Variants in DNAH3 observed in about 807,000 individuals in gnomAD.
DNAH3 encodes dynein axonemal heavy chain 3.
In DNAH3, 332 loss-of-function variants were observed where a neutral mutation model predicts 432.5. That is an observed-to-expected ratio of 0.77 (90% CI 0.70 to 0.84). The LOEUF (loss-of-function observed/expected upper bound fraction) is 0.84, where lower values mean the gene tolerates loss of function less well. DNAH3 is among the 40% of genes least tolerant of loss of function. The pLI is 0.00. For missense variants in DNAH3, 4,861 were observed against 5,114.0 expected (o/e 0.95, Z 1.51); for synonymous variants, 1,956 against 1,900.2 (o/e 1.03, Z -0.76).
Position 20,968,047 on chromosome 16 carries a change from G to C in DNAH3, c.8458+1745C>G, listed in dbSNP as rs554326150. Among the ~76,000 whole-genome samples, 3 of 152,234 alleles carry C rather than the reference G, an allele frequency of 2.0e-5. No homozygotes were observed. The East Asian group carries it at 5.8e-4, about 29-fold the overall frequency. On this transcript the variant is annotated intron_variant, in intron 52 of 61. Coordinates refer to ENST00000261383, the Ensembl canonical transcript of DNAH3. Reference sequence around the variant, plus strand: ...GAATGCTAAGCAATGGGAAGCAGGAGCCAGAAGGTCTCAAATGAGGGATCA... The same window carrying C: ...GAATGCTAAGCAATGGGAAGCAGGACCCAGAAGGTCTCAAATGAGGGATCA...
At chr16:21,060,756 ACCT>A (rs1265321288) in intron 25 of DNAH3, among the ~76,000 whole-genome samples, 1 of 149,046 alleles carries the variant, frequency 6.7e-6, no homozygotes, top group East Asian at 2.0e-4. Context: ...TGACCTCCTG[ACCT>A]CGTGATCTGC....
At chr16:21,035,284 G>A (rs1008635194) in intron 35 of DNAH3, among the ~76,000 whole-genome samples, 5 of 152,158 alleles carry the variant, frequency 3.3e-5, no homozygotes, top group South Asian at 2.1e-4. Context: ...CTGAGATCAC[G>A]TCACTGCACT....
intron 39 of DNAH3, among the ~76,000 whole-genome samples, 165 bp downstream of exon 39, chr16:21,024,431 G>A (rs1396764700): frequency 2.6e-5 from 4 of 152,046 alleles, no homozygotes; most frequent in African/African-American, 4.8e-5. Flanking sequence ...AAGAAAGTTC[G>A]AAAAATGGCA....
At chr16:21,145,447 A>G in intron 2 of DNAH3, 41 bp from the exon 4 acceptor site, 2 of 1,546,388 alleles carry the variant, frequency 1.3e-6, no homozygotes, top group Non-Finnish European at 8.9e-7. Flanking sequence ...AATGAGGAAC[A>G]TCTCTCGATG....
At chr16:20,968,494 T>C (rs11860376) in intron 52 of DNAH3, among the ~76,000 whole-genome samples, 3,906 of 152,302 alleles carry the variant, frequency 0.026, 186 homozygotes, top group African/African-American at 0.089. Context: ...TGTTCAGCTC[T>C]AAGGCACTGG....
chr16:21,140,743 T>C (rs376576182), intron 4 of DNAH3, 33 bp from the exon 6 acceptor site: 25 of 1,609,092 alleles, frequency 1.6e-5, no homozygotes, highest in Admixed American at 6.7e-5. Context: ...CCCTTGGTGT[T>C]TGGTTCTCCA....
chr16:21,072,408 C>A (rs1258260152), intron 21 of DNAH3, among the ~76,000 whole-genome samples: 1 of 152,074 alleles, frequency 6.6e-6, no homozygotes. Flanking sequence ...CTCACTGCAA[C>A]CTCTGCCTTC....
chr16:20,936,969 A>G, intron 59 of DNAH3, 116 bp from the exon 60 acceptor site: 1 of 796,402 alleles, frequency 1.3e-6, no homozygotes, highest in Non-Finnish European at 2.0e-6. Context: ...TCATTAAATG[A>G]GGAAAAATTA....
At chr16:21,012,738 A>AT (rs1370526977) in intron 41 of DNAH3, among the ~76,000 whole-genome samples, 1 of 152,190 alleles carries the variant, frequency 6.6e-6, no homozygotes, top group Non-Finnish European at 1.5e-5. Flanking sequence ...GATAGAATGC[A>AT]TCGTGGGCAA....
chr16:21,062,574 C>T (rs770907830), exon 25 of DNAH3: 10 of 1,614,192 alleles, frequency 6.2e-6, no homozygotes, highest in Middle Eastern at 1.6e-4. Context: ...TCTGTAAACT[C>T]AAGCTTGGCA....
At chr16:21,034,192 A>G (rs2089044536) in intron 35 of DNAH3, 107 bp from the exon 36 acceptor site, 2 of 691,550 alleles carry the variant, frequency 2.9e-6, no homozygotes, top group Non-Finnish European at 4.9e-6. Flanking sequence ...GGATTCTCAC[A>G]GTTGCTTCTA....
chr16:21,031,570 T>G (rs2088874773), intron 36 of DNAH3, among the ~76,000 whole-genome samples: 1 of 150,744 alleles, frequency 6.6e-6, no homozygotes, highest in South Asian at 2.1e-4. Context: ...CCACCACACT[T>G]CAGCCTGAGC....
At chr16:21,026,570 G>A (rs1192879834) in intron 38 of DNAH3, among the ~76,000 whole-genome samples, 1 of 151,700 alleles carries the variant, frequency 6.6e-6, no homozygotes, top group Non-Finnish European at 1.5e-5. Flanking sequence ...GGGTGGTGGC[G>A]TGTGCTTGTA....
intron 43 of DNAH3, 99 bp downstream of exon 43, chr16:21,000,125 G>A (rs1203881622): frequency 8.0e-7 from 1 of 1,256,842 alleles, no homozygotes; most frequent in East Asian, 2.3e-5. Context: ...CCCAGGGAGA[G>A]TAAAGGTATG....
At chr16:21,036,277 G>T (rs1434703997) in intron 35 of DNAH3, among the ~76,000 whole-genome samples, 1 of 152,196 alleles carries the variant, frequency 6.6e-6, no homozygotes, top group Non-Finnish European at 1.5e-5. Flanking sequence ...AGTGAGCCAA[G>T]ATTGCACCAC....
chr16:21,097,783 T>G (rs2091727967), intron 17 of DNAH3, among the ~76,000 whole-genome samples: 1 of 152,210 alleles, frequency 6.6e-6, no homozygotes, highest in South Asian at 2.1e-4. Flanking sequence ...TCCGTTTTCA[T>G]AATTTTCATA....
intron 2 of DNAH3, 113 bp from the exon 4 acceptor site, chr16:21,145,519 G>A (rs1204652648): frequency 1.2e-6 from 1 of 836,528 alleles, no homozygotes; most frequent in African/African-American, 1.7e-5. Context: ...CTATGTTTCT[G>A]CCTTCTGCAC....
Position 21,023,299 on chromosome 16 carries a change from A to G in DNAH3, c.5647-1199T>C, listed in dbSNP as rs78521064. On this transcript the variant is annotated intron_variant, in intron 39 of 61. Transcript: ENST00000261383. The stretch of plus-strand genomic sequence containing the variant: ...GCTGGGGATAAACAATGGAAAAGGT[A>G]GACAAGGAGCCCTCATGGAGGGTCA... Among the ~76,000 whole-genome samples the G allele has an allele frequency of 1.6e-3, 244 of 152,334 alleles. 1 individual carries two copies. Among genetic ancestry groups the G allele is most frequent in the African/African-American group, 5.7e-3 (235 of 41,584 alleles).
chr16:21,146,159 A>T, intron 1 of DNAH3, 71 bp from the exon 3 acceptor site: 1 of 1,011,468 alleles, frequency 9.9e-7, no homozygotes, highest in South Asian at 1.3e-5. Flanking sequence ...GTTGGTTAGG[A>T]CTAAAGAGGT....
Sources: allele counts gnomAD v4.1 joint callset (sites outside exome capture counted in the v4.1 genomes callset), GRCh38; gene constraint gnomAD v4.1.1; transcripts MANE v1.5; gene names NCBI Gene and HGNC (gene_info 2026-07-23, HGNC 2026-07-21).